RYR3: variants seen among roughly 807,000 people sequenced by gnomAD.
RYR3 encodes ryanodine receptor 3.
In RYR3, 207 loss-of-function variants were observed where a neutral mutation model predicts 584.3. That is an observed-to-expected ratio of 0.35 (90% CI 0.32 to 0.40). RYR3 has a LOEUF of 0.40. Ranked by LOEUF, RYR3 falls within the 10% of genes least tolerant of loss-of-function variation. The pLI, the probability that RYR3 is intolerant of heterozygous loss-of-function variation, is 1.00. For missense variants in RYR3, 5,616 were observed against 6,089.2 expected, an observed-to-expected ratio of 0.92 and a Z score of 2.59; for synonymous variants, 2,416 against 2,248.5, an observed-to-expected ratio of 1.07 and a Z score of -2.11.
In RYR3 at chr15:33,311,357, T is replaced by C. The variant is rs1169631670; in HGVS notation, c.51+261T>C. ...AGGCCCTCCACCTAGGACCGCTCGC[T>C]CTCCAGGCAACTTGCTACTTGGTCT... On this transcript the variant is annotated intron_variant, in intron 1 of 103. Transcript: ENST00000634891. The surrounding 1 kb of genome is among the most constrained non-coding windows in gnomAD (Gnocchi z 4.4). 3.3e-5 allele frequency among the ~76,000 whole-genome samples: 5 copies of C among 152,280 alleles called. No homozygotes were observed. The highest frequency in any genetic ancestry group is 4.1e-4 in the South Asian group (2 of 4,826).
At chr15:33,593,116 G>A (rs35168431) in intron 16 of RYR3, among the ~76,000 whole-genome samples, 32,810 of 152,112 alleles carry the variant, frequency 0.22, 3,769 homozygotes, top group Admixed American at 0.29. Context: ...CTCCAAAGGA[G>A]GCAATCAGAT....
intron 51 of RYR3, 21 bp from the exon 52 acceptor site, chr15:33,742,344 AT>A (rs779455770): frequency 3.5e-5 from 54 of 1,549,234 alleles, no homozygotes; most frequent in African/African-American, 2.3e-4. Flanking sequence ...GGAGGTTGTA[AT>A]TTTTTTTCCT....
chr15:33,398,954 T>G (rs1001512782), intron 1 of RYR3, among the ~76,000 whole-genome samples: 9 of 152,156 alleles, frequency 5.9e-5, no homozygotes, highest in African/African-American at 2.2e-4. Flanking sequence ...GTGGGGGCAT[T>G]GCCTGGTTCT....
intron 1 of RYR3, among the ~76,000 whole-genome samples, chr15:33,330,279 T>C (rs1038086552): frequency 6.6e-6 from 1 of 152,208 alleles, no homozygotes; most frequent in East Asian, 1.9e-4. Flanking sequence ...CTTCTTCATG[T>C]CTTCTGTTTA....
chr15:33,401,427 C>G (rs1479939217), intron 1 of RYR3, among the ~76,000 whole-genome samples: 2 of 152,190 alleles, frequency 1.3e-5, no homozygotes, highest in Non-Finnish European at 2.9e-5. Context: ...TGGTAAAATC[C>G]TCTGACAAGT....
At chr15:33,531,682 T>C (rs1336986257) in intron 4 of RYR3, among the ~76,000 whole-genome samples, 1 of 152,028 alleles carries the variant, frequency 6.6e-6, no homozygotes, top group Non-Finnish European at 1.5e-5. Context: ...AGGCTGACCT[T>C]TTCAGCCTGA....
intron 36 of RYR3, among the ~76,000 whole-genome samples, chr15:33,667,317 C>A (rs1187561759): frequency 6.6e-6 from 1 of 152,168 alleles, no homozygotes; most frequent in Non-Finnish European, 1.5e-5. Context: ...GGTCGTGGCC[C>A]TATAGGCAGA....
chr15:33,602,731 G>GTTTTT (rs1567639568), intron 17 of RYR3, among the ~76,000 whole-genome samples: 1 of 88,022 alleles, frequency 1.1e-5, no homozygotes. Context: ...GCTTTTTCTA[G>GTTTTT]TCTTTTTTTT....
chr15:33,780,158 A>C, intron 64 of RYR3, 53 bp from the exon 65 acceptor site: 2 of 1,596,062 alleles, frequency 1.3e-6, no homozygotes, highest in Non-Finnish European at 1.7e-6. Context: ...CTGCCAATGC[A>C]TGGGGCCAGC....
chr15:33,432,916 C>A (rs906988727), intron 1 of RYR3, among the ~76,000 whole-genome samples: 5 of 151,684 alleles, frequency 3.3e-5, no homozygotes, highest in Non-Finnish European at 7.4e-5. Flanking sequence ...TCAATACAAT[C>A]CAACTCTTTG....
At chr15:33,477,564 T>G (rs551498181) in intron 2 of RYR3, among the ~76,000 whole-genome samples, 1 of 128,500 alleles carries the variant, frequency 7.8e-6, no homozygotes, top group Non-Finnish European at 1.6e-5. Context: ...TTTAAAGGTA[T>G]CTTGTTTTGT....
chr15:33,655,230 T>C (rs1421036127), intron 32 of RYR3, among the ~76,000 whole-genome samples: 2 of 152,164 alleles, frequency 1.3e-5, no homozygotes. Context: ...CTAGTACTTT[T>C]TCATGATTCT....
chr15:33,373,862 A>C (rs1437754892), intron 1 of RYR3, among the ~76,000 whole-genome samples: 1 of 152,224 alleles, frequency 6.6e-6, no homozygotes, highest in Admixed American at 6.5e-5. Flanking sequence ...TAGGATAGAT[A>C]AAATGAAAGG....
chr15:33,640,766 G>T (rs558971898), intron 27 of RYR3, among the ~76,000 whole-genome samples: 1 of 152,256 alleles, frequency 6.6e-6, no homozygotes, highest in South Asian at 2.1e-4. Flanking sequence ...TATACATCTT[G>T]GCCGAAGACT....
intron 34 of RYR3, among the ~76,000 whole-genome samples, chr15:33,661,014 A>G (rs1182752830): frequency 6.6e-6 from 1 of 152,208 alleles, no homozygotes; most frequent in Non-Finnish European, 1.5e-5. Context: ...GGTTATTGCC[A>G]TCCCTTGACC....
At chr15:33,547,058 C>T (rs1298367004) in intron 8 of RYR3, among the ~76,000 whole-genome samples, 1 of 152,282 alleles carries the variant, frequency 6.6e-6, no homozygotes. Context: ...GTTCTTGAGA[C>T]ATGCTCTTAA....
At chr15:33,354,639 G>C (rs1973714057) in intron 1 of RYR3, among the ~76,000 whole-genome samples, 1 of 152,162 alleles carries the variant, frequency 6.6e-6, no homozygotes, top group Admixed American at 6.5e-5. Flanking sequence ...TCTGTGCTTG[G>C]TGGGAAGTTG....
intron 18 of RYR3, among the ~76,000 whole-genome samples, chr15:33,610,195 C>A (rs183802056): frequency 1.1e-4 from 17 of 152,260 alleles, no homozygotes; most frequent in Admixed American, 8.5e-4. Context: ...CAGCTTCCAG[C>A]CTTACCAAAC....
chr15:33,455,662 A>G lies in RYR3; in HGVS notation c.52-17757A>G, dbSNP rs559656234. Among the ~76,000 whole-genome samples the G allele has an allele frequency of 7.2e-5, 11 of 152,322 alleles. No homozygotes were observed. The South Asian group carries it at 2.1e-3, about 29-fold the overall frequency. On this transcript the variant is annotated intron_variant, in intron 1 of 103. Coordinates refer to ENST00000634891, the MANE Select transcript of RYR3 (RefSeq NM_001036.6). The stretch of plus-strand genomic sequence containing the variant: ...AAAGTGAAAGCAATTGGCTGCAGGA[A>G]CAGACAATATCACACATTGTAGAAC...
Sources: gnomAD v4.1 joint callset for allele counts (sites outside exome capture counted in the v4.1 genomes callset) on GRCh38, gnomAD v4.1.1 for gene constraint, Gnocchi (gnomAD v3.1) non-coding constraint, MANE v1.5 for transcripts, NCBI Gene and HGNC (gene_info 2026-07-23, HGNC 2026-07-21) for gene names.